AMZ1: variants seen among roughly 807,000 people sequenced by gnomAD.
AMZ1 encodes the protein archaemetzincin-1.
A neutral mutation model predicts 29.9 loss-of-function variants in AMZ1; 39 were observed. The observed-to-expected ratio is 1.30, with a 90% CI of 1.01 to 1.70. The LOEUF is 1.70. AMZ1 is among the 40% of genes most tolerant of loss of function. The probability of loss-of-function intolerance (pLI) is 0.00; values close to 1 mark genes in which losing one functional copy is unlikely to be tolerated. For synonymous variants in AMZ1, 458 were observed against 304.0 expected, an observed-to-expected ratio of 1.51 and a Z score of -5.27; for missense variants, 1,041 against 680.6, an observed-to-expected ratio of 1.53 and a Z score of -5.89.
chr7:2,708,490 C>T (rs1187096145), intron 3 of AMZ1, 98 bp from the exon 4 acceptor site: 6 of 1,549,964 alleles, frequency 3.9e-6, no homozygotes, highest in Admixed American at 1.8e-5. Flanking sequence ...GGGGCAGGGC[C>T]CAGGCAGAGG....
At position 2,751,546 on chromosome 7, in the gene AMZ1, G is replaced by A. The variant is rs544016445; in HGVS notation, n.551-13166G>A. Among the ~76,000 whole-genome samples the A allele has an allele frequency of 3.9e-5, 6 of 152,118 alleles. No homozygotes were observed. In the South Asian group the frequency reaches 1.2e-3, roughly 32 times the overall value. On this transcript the variant is annotated intron_variant and non_coding_transcript_variant, in intron 4 of 4. Transcript: ENST00000489665. The stretch of plus-strand genomic sequence containing the variant: ...AACAAAGATGAGATAACAATGAAAT[G>A]GAAAATGAATTTTGCAATAGAAACA...
chr7:2,722,198 C>T (rs185048772), downstream of AMZ1, among the ~76,000 whole-genome samples: 3 of 152,298 alleles, frequency 2.0e-5, no homozygotes, highest in Non-Finnish European at 4.4e-5. Context: ...AAGCTTACCA[C>T]ACTGAATTTC....
At chr7:2,688,761 G>A (rs1451749298) in intron 1 of AMZ1, among the ~76,000 whole-genome samples, 1 of 152,204 alleles carries the variant, frequency 6.6e-6, no homozygotes, top group Non-Finnish European at 1.5e-5. Context: ...GCTCCCCGCA[G>A]CCTGTGTATG....
chr7:2,759,199 TAAAAAC>T (rs906416473), intron 4 of AMZ1, among the ~76,000 whole-genome samples: 33 of 151,020 alleles, frequency 2.2e-4, no homozygotes, highest in Non-Finnish European at 4.6e-4. Flanking sequence ...AAAATAAAAA[TAAAAAC>T]CCCATGATGG....
At chr7:2,722,541 G>T (rs1031252546), downstream of AMZ1, among the ~76,000 whole-genome samples, 3 of 152,210 alleles carry the variant, frequency 2.0e-5, no homozygotes, top group African/African-American at 7.2e-5. Context: ...CAAGTGCTGG[G>T]ATTACAGGCG....
At chr7:2,749,483 G>A (rs565247711) in intron 4 of AMZ1, among the ~76,000 whole-genome samples, 48 of 150,600 alleles carry the variant, frequency 3.2e-4, no homozygotes, top group Admixed American at 2.7e-3. Context: ...GACACGGGAA[G>A]GGGAACATCA....
chr7:2,686,710 TTC>T (rs544683237), upstream of AMZ1, among the ~76,000 whole-genome samples: 5 of 151,966 alleles, frequency 3.3e-5, no homozygotes, highest in African/African-American at 7.2e-5. Flanking sequence ...TGTGTTGTTT[TTC>T]TCTCTCTCTC....
At chr7:2,681,351 G>C (rs545250954) in intron 1 of AMZ1, among the ~76,000 whole-genome samples, 26 of 152,110 alleles carry the variant, frequency 1.7e-4, no homozygotes, top group African/African-American at 4.8e-4. Flanking sequence ...AGCCTCCTAG[G>C]TGCATGCCAC....
chr7:2,720,605 G>A (rs1001940742), downstream of AMZ1, among the ~76,000 whole-genome samples: 19 of 151,776 alleles, frequency 1.3e-4, no homozygotes, highest in African/African-American at 3.6e-4. Context: ...GGGTTTTACC[G>A]TGCTGGCCAG....
upstream of AMZ1, among the ~76,000 whole-genome samples, chr7:2,687,310 G>T (rs539120762): frequency 1.3e-5 from 2 of 151,838 alleles, no homozygotes; most frequent in East Asian, 3.9e-4. Flanking sequence ...CTGGGCGACA[G>T]AGCGAGACTC....
intron 4 of AMZ1, among the ~76,000 whole-genome samples, chr7:2,740,658 C>T (rs1240822730): frequency 6.6e-6 from 1 of 152,188 alleles, no homozygotes. Context: ...CATGTTAATA[C>T]TGGGCAATGG....
At chr7:2,698,836 T>TA (rs1562362825) in intron 1 of AMZ1, among the ~76,000 whole-genome samples, 1 of 152,070 alleles carries the variant, frequency 6.6e-6, no homozygotes, top group South Asian at 2.1e-4. Flanking sequence ...ACCCTATCTC[T>TA]AAAAAAGAAA....
chr7:2,709,002 G>A, intron 4 of AMZ1, 73 bp from the exon 5 acceptor site: 3 of 1,479,740 alleles, frequency 2.0e-6, no homozygotes, highest in Non-Finnish European at 9.0e-7. Context: ...GAGAGCATGA[G>A]GTGGGTTTGA....
intron 4 of AMZ1, among the ~76,000 whole-genome samples, chr7:2,725,387 A>G (rs1789577768): frequency 6.6e-6 from 1 of 152,228 alleles, no homozygotes; most frequent in African/African-American, 2.4e-5. Context: ...GGGAGCAGTG[A>G]CCTGTGTCTG....
downstream of AMZ1, among the ~76,000 whole-genome samples, chr7:2,721,612 A>T (rs1789424079): frequency 6.6e-6 from 1 of 151,830 alleles, no homozygotes; most frequent in Non-Finnish European, 1.5e-5. Context: ...GCTATTTGGG[A>T]GGCTGAGGCA....
intron 3 of AMZ1, among the ~76,000 whole-genome samples, chr7:2,703,603 AG>A (rs1210262514): frequency 6.6e-6 from 1 of 152,100 alleles, no homozygotes; most frequent in African/African-American, 2.4e-5. Flanking sequence ...AGGTGAAGTG[AG>A]GGCTCTGTTG....
chr7:2,722,399 A>C (rs971277470), downstream of AMZ1, among the ~76,000 whole-genome samples: 2 of 151,930 alleles, frequency 1.3e-5, no homozygotes, highest in African/African-American at 4.8e-5. Context: ...CAGCCTCCCA[A>C]GTAGCCGGGA....
upstream of AMZ1, among the ~76,000 whole-genome samples, chr7:2,760,953 C>T (rs575908670): frequency 1.7e-3 from 256 of 152,336 alleles, 1 homozygote; most frequent in Non-Finnish European, 3.0e-3. Context: ...CTCCCCCTGT[C>T]CTTCCCACAG....
At chr7:2,707,156 C>T (rs978611364) in intron 3 of AMZ1, among the ~76,000 whole-genome samples, 2 of 151,976 alleles carry the variant, frequency 1.3e-5, no homozygotes, top group African/African-American at 2.4e-5. Flanking sequence ...GCCTGTAATC[C>T]CTGCTACTCA....
Sources: gnomAD v4.1 joint callset for allele counts (sites outside exome capture counted in the v4.1 genomes callset) on GRCh38, gnomAD v4.1.1 for gene constraint, MANE v1.5 for transcripts, NCBI Gene and HGNC (gene_info 2026-07-23, HGNC 2026-07-21) for gene names.